EXT1: variants seen among roughly 807,000 people sequenced by gnomAD.
The protein encoded by EXT1 is exostosin glycosyltransferase 1.
Under a neutral mutation model 82.5 loss-of-function variants are expected in EXT1, and 20 were observed. That is an observed-to-expected ratio of 0.24 (90% CI 0.17 to 0.35). The LOEUF (loss-of-function observed/expected upper bound fraction) is 0.35, where lower values mean the gene tolerates loss of function less well. Among genes scored for constraint, EXT1 ranks in the 10% least tolerant of loss-of-function variants. The pLI is 1.00. For synonymous variants in EXT1, 348 were observed against 350.8 expected (o/e 0.99, Z 0.09); for missense variants, 757 against 936.5 (o/e 0.81, Z 2.50).
In EXT1 at chr8:117,799,574, T is replaced by A; in HGVS notation, c.*138A>T. ...AGTTGAGTTCTCATTGGCCTTTTTT[T>A]TTTTGTCATTCTGCTCATCTAAGTT... is the stretch of plus-strand genomic sequence containing the variant. On this transcript the variant is annotated 3_prime_UTR_variant, in exon 11 of 11. Transcript: ENST00000378204. The A allele has an allele frequency of 1.0e-6, 1 of 987,736 alleles. No homozygotes were observed. Among genetic ancestry groups the A allele is most frequent in the Non-Finnish European group, 1.5e-6 (1 of 654,328 alleles). 61.2% of individuals were successfully genotyped at this position (987,736 alleles called of 1,614,324 possible).
intron 1 of EXT1, among the ~76,000 whole-genome samples, chr8:117,979,911 A>G (rs10955844): frequency 0.26 from 39,686 of 152,104 alleles, 5,377 homozygotes; most frequent in Middle Eastern, 0.36. Context: ...TGCTCCCCCA[A>G]TATTTCTCCC....
At chr8:117,939,239 A>T (rs1002320850) in intron 1 of EXT1, among the ~76,000 whole-genome samples, 3 of 152,148 alleles carry the variant, frequency 2.0e-5, no homozygotes, top group Non-Finnish European at 4.4e-5. Context: ...TTTAATCCTC[A>T]CAGACAACCC....
chr8:117,934,672 G>A (rs1814124696), intron 1 of EXT1, among the ~76,000 whole-genome samples: 1 of 152,212 alleles, frequency 6.6e-6, no homozygotes, highest in African/African-American at 2.4e-5. Flanking sequence ...TTCACAGGAA[G>A]CCAGCCAGCT....
chr8:117,983,053 T>C (rs753523727), intron 1 of EXT1, among the ~76,000 whole-genome samples: 2 of 152,234 alleles, frequency 1.3e-5, no homozygotes, highest in Non-Finnish European at 2.9e-5. Context: ...TTTCATTTCA[T>C]GGTTTCTCTC....
At chr8:118,090,080 G>A (rs1817494971) in intron 1 of EXT1, among the ~76,000 whole-genome samples, 1 of 152,138 alleles carries the variant, frequency 6.6e-6, no homozygotes, top group Non-Finnish European at 1.5e-5. Context: ...GTGGTGAGAG[G>A]TGCCAGGTGC....
intron 1 of EXT1, among the ~76,000 whole-genome samples, chr8:118,033,237 ATTTC>A (rs1261036393): frequency 6.6e-6 from 1 of 152,138 alleles, no homozygotes; most frequent in African/African-American, 2.4e-5. Flanking sequence ...TAAGTACTGT[ATTTC>A]TTTCCTGTTG....
chr8:117,985,295 C>A (rs1815294310), intron 1 of EXT1, among the ~76,000 whole-genome samples: 1 of 152,212 alleles, frequency 6.6e-6, no homozygotes, highest in African/African-American at 2.4e-5. Flanking sequence ...TTCCCTTTTG[C>A]TATGCACACA....
chr8:118,052,629 T>TA (rs1169883530), intron 1 of EXT1, among the ~76,000 whole-genome samples: 4 of 152,206 alleles, frequency 2.6e-5, no homozygotes, highest in Admixed American at 1.3e-4. Context: ...TGAAAAACTT[T>TA]AAACCCCATT....
intron 1 of EXT1, among the ~76,000 whole-genome samples, chr8:118,061,895 G>A (rs986967634): frequency 2.6e-5 from 4 of 152,214 alleles, no homozygotes; most frequent in East Asian, 1.9e-4. Flanking sequence ...CACTATCTCC[G>A]TTTTACAGAT....
At chr8:117,804,234 A>G (rs1206286098) in intron 10 of EXT1, among the ~76,000 whole-genome samples, 1 of 152,160 alleles carries the variant, frequency 6.6e-6, no homozygotes, top group African/African-American at 2.4e-5. Context: ...GCTCTTATAA[A>G]AAGGACCCTA....
intron 1 of EXT1, among the ~76,000 whole-genome samples, chr8:118,055,074 T>A (rs1007022014): frequency 6.6e-6 from 1 of 152,166 alleles, no homozygotes; most frequent in Non-Finnish European, 1.5e-5. Context: ...CACTCATGCA[T>A]CCACTTCCAA....
rs181206369 is a variant in EXT1 at position 117,844,738 on chromosome 8, C to T, written c.963-7537G>A. On this transcript the variant is annotated intron_variant, in intron 1 of 10. Transcript: ENST00000378204. ...AGTCTCTGTGCACACAAATGAGCTG[C>T]TATAGTACAAATGAGCTATGCAAAT... Among the ~76,000 whole-genome samples the T allele has an allele frequency of 2.2e-3, 331 of 152,238 alleles. 3 individuals carry two copies. The highest frequency in any genetic ancestry group is 6.9e-3 in the African/African-American group (287 of 41,536).
chr8:117,868,575 C>T (rs1218926818), intron 1 of EXT1, among the ~76,000 whole-genome samples: 2 of 152,134 alleles, frequency 1.3e-5, no homozygotes, highest in African/African-American at 4.8e-5. Flanking sequence ...CCTCAGCCTC[C>T]TGAGTAGCTG....
chr8:118,021,471 T>G (rs182574822), intron 1 of EXT1, among the ~76,000 whole-genome samples: 415 of 152,338 alleles, frequency 2.7e-3, no homozygotes, highest in Non-Finnish European at 3.9e-3. Context: ...CAAATAAAAC[T>G]CTTCTGCAGA....
rs566121825 is a variant in EXT1 at position 117,878,686 on chromosome 8, T to C, written c.963-41485A>G. Among the ~76,000 whole-genome samples the C allele has an allele frequency of 2.6e-5, 4 of 152,318 alleles. No individual in the cohort carries two copies. The East Asian group carries it at 7.7e-4, about 29-fold the overall frequency. On this transcript the variant is annotated intron_variant, in intron 1 of 10. Coordinates refer to ENST00000378204, the MANE Select transcript of EXT1 (RefSeq NM_000127.3). ...AATCTCTGCAGATAAGAATATCCAG[T>C]GCTGTAAATGCAACTACCTCAATGC... is the stretch of plus-strand genomic sequence containing the variant.
intron 1 of EXT1, among the ~76,000 whole-genome samples, chr8:117,925,665 TC>T: frequency 8.3e-6 from 1 of 120,880 alleles, no homozygotes; most frequent in Non-Finnish European, 1.6e-5. Flanking sequence ...GCCCAGGAAT[TC>T]AAGACTAGCC....
chr8:117,835,519 T>C lies in EXT1; in HGVS notation c.1089A>G (p.Gly363=), dbSNP rs1377463829. The C allele has an allele frequency of 6.2e-7, 1 of 1,614,078 alleles. No homozygotes were observed. Among genetic ancestry groups the C allele is most frequent in the Admixed American group, 1.7e-5 (1 of 60,008 alleles). ...AACVPVMLSN[G]WELPFSEVIN... Reference sequence around the variant, plus strand: ...TCACTTCAGAGAATGGCAACTCCCATCCATTGCTGAGCATCACAGGGACGC... The same window carrying C: ...TCACTTCAGAGAATGGCAACTCCCACCCATTGCTGAGCATCACAGGGACGC... Residue 363 remains glycine, a synonymous_variant, in exon 3 of 11, where the codon GGA becomes GGG. Transcript: ENST00000378204.
At chr8:117,877,094 T>A (rs1049988742) in intron 1 of EXT1, among the ~76,000 whole-genome samples, 6 of 152,238 alleles carry the variant, frequency 3.9e-5, no homozygotes, top group African/African-American at 1.4e-4. Context: ...ACTGAGTACC[T>A]TGAAGACTCT....
intron 1 of EXT1, among the ~76,000 whole-genome samples, chr8:117,884,328 C>T (rs11776292): frequency 0.19 from 28,475 of 152,082 alleles, 3,117 homozygotes; most frequent in East Asian, 0.38. Context: ...GCAAATATCC[C>T]TTTGGTGTCA....
Sources: allele counts gnomAD v4.1 joint callset (sites outside exome capture counted in the v4.1 genomes callset), GRCh38; gene constraint gnomAD v4.1.1; transcripts MANE v1.5; gene names NCBI Gene and HGNC (gene_info 2026-07-23, HGNC 2026-07-21).